USP54: variants seen among roughly 807,000 people sequenced by gnomAD.
USP54 encodes the protein ubiquitin carboxyl-terminal hydrolase 54.
USP54 carries 87 observed loss-of-function variants against 170.5 expected under a neutral mutation model. The observed-to-expected ratio is 0.51, with a 90% CI of 0.43 to 0.61. The LOEUF (loss-of-function observed/expected upper bound fraction) is 0.61. USP54 is among the 20% of genes least tolerant of loss of function. The pLI is 0.00. For missense variants in USP54, 1,786 were observed against 2,047.8 expected (o/e 0.87, Z 2.47); for synonymous variants, 655 against 742.8 (o/e 0.88, Z 1.92).
chr10:73,575,000 G>T (rs1177154621), intron 3 of USP54, among the ~76,000 whole-genome samples: 1 of 152,196 alleles, frequency 6.6e-6, no homozygotes, highest in African/African-American at 2.4e-5. Context: ...GCCAAGGCAG[G>T]TGGATCACAA....
chr10:73,625,111 G>C (rs1050609753), intron 1 of USP54, among the ~76,000 whole-genome samples: 3 of 152,124 alleles, frequency 2.0e-5, no homozygotes, highest in Admixed American at 6.5e-5. Flanking sequence ...ACTTGAATGA[G>C]TCTGGGAAGA....
At chr10:73,527,245 A>T (rs1356076769) in intron 15 of USP54, among the ~76,000 whole-genome samples, 3 of 152,182 alleles carry the variant, frequency 2.0e-5, no homozygotes, top group African/African-American at 7.2e-5. Context: ...CATGCCTGTA[A>T]TCCCAGCACT....
intron 1 of USP54, among the ~76,000 whole-genome samples, chr10:73,621,793 T>G (rs1343198229): frequency 1.3e-5 from 2 of 152,136 alleles, no homozygotes; most frequent in Non-Finnish European, 2.9e-5. Flanking sequence ...CCTATACAAT[T>G]ATACACAGCA....
At chr10:73,534,270 G>A (rs575971839) in intron 12 of USP54, among the ~76,000 whole-genome samples, 92 of 151,340 alleles carry the variant, frequency 6.1e-4, no homozygotes, top group African/African-American at 2.2e-3. Flanking sequence ...GCAGTGGCAC[G>A]ATCCCAGCTC....
chr10:73,514,093 A>T (rs2133260233), intron 20 of USP54, among the ~76,000 whole-genome samples: 1 of 152,250 alleles, frequency 6.6e-6, no homozygotes, highest in Non-Finnish European at 1.5e-5. Flanking sequence ...CTGGGATCAC[A>T]GGTGTGGGCC....
chr10:73,519,587 G>A lies in USP54; in HGVS notation c.2678+210C>T. ...AAATGTGGACAAATGGTCTTATTATGCTGTACTTTTTGCATCCTAGGAATT... is the reference window on the plus strand; with the variant it reads ...AAATGTGGACAAATGGTCTTATTATACTGTACTTTTTGCATCCTAGGAATT... On this transcript the variant is annotated intron_variant, in intron 19 of 23. Transcript: ENST00000687698. 2.9e-6 allele frequency: 2 copies of A among 700,660 alleles called. 1 individual carries two copies. The highest frequency in any genetic ancestry group is 3.9e-5 in the South Asian group (2 of 50,984). 43.4% of individuals were successfully genotyped at this position (700,660 alleles called of 1,614,324 possible).
At chr10:73,565,208 T>C (rs1172108154) in intron 4 of USP54, among the ~76,000 whole-genome samples, 2 of 152,166 alleles carry the variant, frequency 1.3e-5, no homozygotes, top group African/African-American at 2.4e-5. Flanking sequence ...GGTTGTTTGT[T>C]ACCACAATAT....
chr10:73,610,428 C>T lies in USP54; in HGVS notation c.-18+15139G>A, dbSNP rs556457831. 2.6e-5 allele frequency among the ~76,000 whole-genome samples: 4 copies of T among 152,154 alleles called. No homozygotes were observed. The East Asian group carries it at 7.7e-4, about 29-fold the overall frequency. ...CTCGAGGTCAGGAGTTTGAGACCAG[C>T]CTGGCCAACATGGTGAAACCCCAAC... On this transcript the variant is annotated intron_variant, in intron 1 of 22. Transcript: ENST00000339859.
intron 11 of USP54, 171 bp downstream of exon 11, chr10:73,536,097 TA>T: frequency 1.2e-6 from 1 of 847,920 alleles, no homozygotes; most frequent in Non-Finnish European, 1.9e-6. Flanking sequence ...CTGAAGGAAA[TA>T]AAGGCTGGCC....
intron 4 of USP54, among the ~76,000 whole-genome samples, chr10:73,550,244 C>T (rs892952314): frequency 4.6e-5 from 7 of 152,176 alleles, no homozygotes; most frequent in Admixed American, 3.3e-4. Context: ...ACTTCTGGTT[C>T]ACCCTACACC....
intron 10 of USP54, among the ~76,000 whole-genome samples, chr10:73,537,193 AT>A (rs2133459616): frequency 6.6e-6 from 1 of 152,362 alleles, no homozygotes; most frequent in African/African-American, 2.4e-5. Context: ...AAACTGAGTT[AT>A]TAATTAAAAC....
At chr10:73,604,016 C>T (rs755989255) in intron 1 of USP54, among the ~76,000 whole-genome samples, 1 of 151,112 alleles carries the variant, frequency 6.6e-6, no homozygotes, top group Admixed American at 6.6e-5. Context: ...TTTGGAAGGA[C>T]GAAGGGGGCA....
chr10:73,541,286 G>A, intron 9 of USP54, 89 bp downstream of exon 9: 1 of 1,553,190 alleles, frequency 6.4e-7, no homozygotes, highest in Non-Finnish European at 8.8e-7. Context: ...TGTCATCTAG[G>A]ACATACCTGT....
intron 1 of USP54, among the ~76,000 whole-genome samples, chr10:73,599,720 C>G (rs1429106467): frequency 1.3e-5 from 2 of 151,726 alleles, no homozygotes; most frequent in African/African-American, 4.8e-5. Context: ...ATCTCTGCTG[C>G]TAATAATAAT....
intron 23 of USP54, 47 bp downstream of exon 23, chr10:73,500,607 GA>G (rs1377382982): frequency 4.0e-5 from 62 of 1,534,968 alleles, no homozygotes; most frequent in Non-Finnish European, 5.3e-5. Context: ...GGAGGCCCCT[GA>G]AAAGGTACCA....
At chr10:73,618,046 AC>A (rs1393572573) in intron 1 of USP54, among the ~76,000 whole-genome samples, 5 of 150,112 alleles carry the variant, frequency 3.3e-5, no homozygotes, top group Admixed American at 1.3e-4. Flanking sequence ...CCCCATCTCT[AC>A]TAAAAATACA....
intron 17 of USP54, 93 bp from the exon 18 acceptor site, chr10:73,521,120 G>A: frequency 3.9e-6 from 6 of 1,525,770 alleles, no homozygotes; most frequent in Non-Finnish European, 5.4e-6. Context: ...GATCCTTGCT[G>A]CTGAGCCACT....
chr10:73,548,757 A>C (rs1338881370), intron 4 of USP54, among the ~76,000 whole-genome samples: 1 of 152,180 alleles, frequency 6.6e-6, no homozygotes, highest in Non-Finnish European at 1.5e-5. Flanking sequence ...GAGGGATAGC[A>C]TTAGGAGAAA....
chr10:73,597,975 T>A (rs2078864628), intron 1 of USP54, among the ~76,000 whole-genome samples: 1 of 152,050 alleles, frequency 6.6e-6, no homozygotes, highest in East Asian at 1.9e-4. Flanking sequence ...TCCCAGCTAC[T>A]CGGGAGGCTG....
Sources: allele counts gnomAD v4.1 joint callset (sites outside exome capture counted in the v4.1 genomes callset), GRCh38; gene constraint gnomAD v4.1.1; transcripts MANE v1.5; gene names NCBI Gene and HGNC (gene_info 2026-07-23, HGNC 2026-07-21).